The following WDFY3 variants were observed in gnomAD, a reference collection of about 807,000 sequenced individuals.
The protein encoded by WDFY3 is WD repeat and FYVE domain containing 3.
WDFY3 carries 66 observed loss-of-function variants against 409.6 expected under a neutral mutation model. The ratio of observed to expected loss-of-function variants is 0.16; its 90% CI spans 0.13 to 0.20. WDFY3 has a LOEUF of 0.20. WDFY3 is among the 10% of genes least tolerant of loss of function. The pLI, the probability that WDFY3 is intolerant of heterozygous loss-of-function variation, is 1.00. For missense variants in WDFY3, 3,031 were observed against 4,298.1 expected, an observed-to-expected ratio of 0.71 and a Z score of 8.24; for synonymous variants, 1,521 against 1,537.1, an observed-to-expected ratio of 0.99 and a Z score of 0.25.
intron 20 of WDFY3, 38 bp downstream of exon 20, chr4:84,794,841 G>GA (rs780583817): frequency 7.2e-6 from 11 of 1,535,538 alleles, no homozygotes; most frequent in South Asian, 5.2e-5. Context: ...TAATCTACTA[G>GA]AAAAAAAACT....
chr4:84,729,737 C>T (rs1186176495), intron 44 of WDFY3, among the ~76,000 whole-genome samples: 1 of 149,808 alleles, frequency 6.7e-6, no homozygotes, highest in Non-Finnish European at 1.5e-5. Context: ...GACTTTAAAA[C>T]AAGAAATTAA....
Position 84,817,398 on chromosome 4 carries a change from A to T in WDFY3, c.1881T>A (p.Ile627=). The part of the protein sequence containing the change: ...PPTELQLKTD[I]LRALLSVLRE... ...ACACATTTATCAAACTTACCCTTAA[A>T]ATATCAGTCTTCAACTGCAATTCCG... The change falls in exon 13 of 68, where the codon ATT becomes ATA. Residue 627 remains isoleucine (I), a synonymous_variant. Coordinates refer to ENST00000295888, the MANE Select transcript of WDFY3 (RefSeq NM_014991.6). The T allele has an allele frequency of 6.2e-7, 1 of 1,613,544 alleles. No homozygotes were observed. Among genetic ancestry groups the T allele is most frequent in the Non-Finnish European group, 8.5e-7 (1 of 1,179,584 alleles).
At chr4:84,818,446 C>T (rs1191670150) in intron 12 of WDFY3, among the ~76,000 whole-genome samples, 1 of 152,114 alleles carries the variant, frequency 6.6e-6, no homozygotes. Flanking sequence ...TATGTTTGGT[C>T]TTCCATGACT....
At chr4:84,780,716 A>T (rs1746344487) in intron 25 of WDFY3, among the ~76,000 whole-genome samples, 1 of 152,128 alleles carries the variant, frequency 6.6e-6, no homozygotes, top group Admixed American at 6.5e-5. Flanking sequence ...GTGAGCCGAG[A>T]TCGCGCCACC....
At chr4:84,744,592 G>A (rs562305890) in intron 36 of WDFY3, among the ~76,000 whole-genome samples, 106 of 152,100 alleles carry the variant, frequency 7.0e-4, no homozygotes, top group African/African-American at 2.5e-3. Context: ...GGTGGCTCAC[G>A]CCTGTAATCC....
At chr4:84,757,193 A>C (rs756299302) in intron 32 of WDFY3, 32 bp from the exon 33 acceptor site, 1 of 1,589,644 alleles carries the variant, frequency 6.3e-7, no homozygotes, top group Non-Finnish European at 8.6e-7. Context: ...AGTAAGTGCA[A>C]AATCAGCAAC....
intron 65 of WDFY3, 129 bp downstream of exon 65, chr4:84,678,790 G>A: frequency 2.0e-6 from 2 of 1,002,260 alleles, no homozygotes; most frequent in Non-Finnish European, 2.9e-6. Flanking sequence ...GAGGCATTCT[G>A]TGTGAGTGGC....
chr4:84,742,032 A>G (rs2149234837), intron 37 of WDFY3, 111 bp from the exon 38 acceptor site: 1 of 1,002,064 alleles, frequency 1.0e-6, no homozygotes, highest in Non-Finnish European at 1.4e-6. Flanking sequence ...TACAACAGGT[A>G]GCAATATGAC....
intron 1 of WDFY3, among the ~76,000 whole-genome samples, chr4:84,932,944 T>G (rs1770952967): frequency 6.6e-6 from 1 of 152,176 alleles, no homozygotes; most frequent in African/African-American, 2.4e-5. Flanking sequence ...AGTCAATATT[T>G]CAATATGAAA....
intron 30 of WDFY3, 97 bp downstream of exon 30, chr4:84,772,738 T>C: frequency 2.1e-6 from 2 of 930,748 alleles, no homozygotes; most frequent in South Asian, 1.6e-5. Context: ...ATATATTATA[T>C]ATAATCACAT....
At chr4:84,840,917 G>A (rs569857598) in intron 6 of WDFY3, among the ~76,000 whole-genome samples, 12 of 151,922 alleles carry the variant, frequency 7.9e-5, no homozygotes, top group African/African-American at 1.2e-4. Context: ...ACAACATATC[G>A]AGATGGAAAA....
chr4:84,806,535 A>T (rs1560808166), intron 15 of WDFY3, among the ~76,000 whole-genome samples: 2 of 149,758 alleles, frequency 1.3e-5, no homozygotes, highest in Admixed American at 1.3e-4. Flanking sequence ...ATTTAAGGCC[A>T]TAAGTAACTC....
At position 84,684,224 on chromosome 4, in the gene WDFY3, T is replaced by C. The variant is rs1293521036; in HGVS notation, c.9544-99A>G. 9 of 1,246,034 alleles carry C rather than the reference T, an allele frequency of 7.2e-6. No homozygotes were observed. The Admixed American group carries it at 2.7e-4, about 37-fold the overall frequency. The allele number at this position is 1,246,034 out of a possible 1,614,324, so 77.2% of individuals were successfully genotyped here. A position where few individuals can be genotyped will look rare whatever the true frequency, so the allele number is the denominator to read the frequency against. On this transcript the variant is annotated intron_variant, in intron 62 of 67. Coordinates refer to ENST00000295888, the MANE Select transcript of WDFY3 (RefSeq NM_014991.6). ...TCCCTGGCCTAGTTCTCAGAAAGCCTTTCAGTCCTAAGACTAGTGGCTAAT... is the reference window on the plus strand; with the variant it reads ...TCCCTGGCCTAGTTCTCAGAAAGCCCTTCAGTCCTAAGACTAGTGGCTAAT...
chr4:84,806,958 T>G (rs1005052358), intron 15 of WDFY3, among the ~76,000 whole-genome samples: 1 of 152,200 alleles, frequency 6.6e-6, no homozygotes, highest in African/African-American at 2.4e-5. Flanking sequence ...TTTTATTTTG[T>G]GGCATTTGGT....
intron 3 of WDFY3, among the ~76,000 whole-genome samples, chr4:84,877,819 G>A (rs1762985137): frequency 6.6e-6 from 1 of 151,924 alleles, no homozygotes; most frequent in African/African-American, 2.4e-5. Flanking sequence ...AATAAGAAAT[G>A]GACAAAAAAA....
chr4:84,827,028 TTC>T, intron 9 of WDFY3, 47 bp from the exon 10 acceptor site: 1 of 1,574,620 alleles, frequency 6.4e-7, no homozygotes. Flanking sequence ...TTTGGTTGTG[TTC>T]TCAGATTTAA....
chr4:84,826,746 C>T, intron 10 of WDFY3, 69 bp downstream of exon 10: 2 of 1,461,836 alleles, frequency 1.4e-6, no homozygotes, highest in East Asian at 2.5e-5. Flanking sequence ...AAGTAATATA[C>T]CAAAATAAGA....
intron 1 of WDFY3, among the ~76,000 whole-genome samples, chr4:84,963,546 G>A (rs1050999200): frequency 1.3e-5 from 2 of 152,064 alleles, no homozygotes; most frequent in Admixed American, 6.5e-5. Context: ...ACCCTAGTTC[G>A]GGTGTGATTT....
rs1343639546 is a variant in WDFY3 at position 84,672,908 on chromosome 4, T to C, written c.10541A>G (p.Gln3514Arg). The C allele has an allele frequency of 6.2e-7, 1 of 1,614,150 alleles. No homozygotes were observed. Among genetic ancestry groups the C allele is most frequent in the Non-Finnish European group, 8.5e-7 (1 of 1,180,008 alleles). ...RVCQNCYYNL[Q>R]HERGSEDGPR... ...CCCATCTTCTGAACCTCTCTCATGCTGTAAGTTATAATAACAGTTCTGACA... is the reference window on the plus strand; with the variant it reads ...CCCATCTTCTGAACCTCTCTCATGCCGTAAGTTATAATAACAGTTCTGACA... Residue 3514 changes from glutamine (Q) to arginine (R), a missense_variant, in exon 68 of 68, where the codon CAG (glutamine) becomes CGG (arginine). Physicochemically the swap from Gln to Arg is conservative, Grantham distance 43. Around this residue, in one of 16 missense-constraint regions of WDFY3, gnomAD observed 378 missense variants for 477.3 expected, o/e 0.79. Coordinates refer to ENST00000295888, the MANE Select transcript of WDFY3 (RefSeq NM_014991.6).
Sources: allele counts gnomAD v4.1 joint callset (sites outside exome capture counted in the v4.1 genomes callset), GRCh38; gene constraint gnomAD v4.1.1; regional missense constraint gnomAD v4.1.1; transcripts MANE v1.5; gene names NCBI Gene and HGNC (gene_info 2026-07-23, HGNC 2026-07-21).